The following STARD13 variants were observed in gnomAD, a reference collection of about 807,000 sequenced individuals.
The protein encoded by STARD13 is StAR related lipid transfer domain containing 13, also known as stAR-related lipid transfer protein 13.
Under a neutral mutation model 106.4 loss-of-function variants are expected in STARD13, and 62 were observed. The ratio of observed to expected loss-of-function variants is 0.58; its 90% confidence interval spans 0.48 to 0.72. The LOEUF (loss-of-function observed/expected upper bound fraction) is 0.72, where lower values mean the gene tolerates loss of function less well. Among genes scored for constraint, STARD13 ranks in the 30% least tolerant of loss-of-function variants. STARD13 has a pLI of 0.00. For synonymous variants in STARD13, 565 were observed against 553.0 expected, an observed-to-expected ratio of 1.02 and a Z score of -0.31; for missense variants, 1,387 against 1,424.0, an observed-to-expected ratio of 0.97 and a Z score of 0.42.
intron 1 of STARD13, among the ~76,000 whole-genome samples, chr13:33,343,588 A>AAAAAAAAC (rs1555264015): frequency 1.0e-5 from 1 of 97,284 alleles, no homozygotes; most frequent in Non-Finnish European, 2.1e-5. Flanking sequence ...AAAAAAAAAA[A>AAAAAAAAC]AAAAAAAAAC....
chr13:33,577,378 A>G, the STARD13 span, among the ~76,000 whole-genome samples: 1,098 of 152,280 alleles, frequency 7.2e-3, 19 homozygotes, highest in Non-Finnish European at 9.9e-3. Context: ...ACATTGTTGC[A>G]CTTAAAAGAT....
At chr13:33,610,422 T>G in the STARD13 span, among the ~76,000 whole-genome samples, 1 of 152,256 alleles carries the variant, frequency 6.6e-6, no homozygotes, top group Non-Finnish European at 1.5e-5. Context: ...TTATTTTGCA[T>G]TTTGAAAAAG....
chr13:33,218,618 C>T (rs1888174160), intron 1 of STARD13, among the ~76,000 whole-genome samples: 1 of 152,180 alleles, frequency 6.6e-6, no homozygotes, highest in Non-Finnish European at 1.5e-5. Flanking sequence ...CATTATGATG[C>T]CTATTTCACT....
chr13:33,610,192 G>A, the STARD13 span, among the ~76,000 whole-genome samples: 2 of 152,016 alleles, frequency 1.3e-5, no homozygotes, highest in East Asian at 1.9e-4. Context: ...ATAAAACTAT[G>A]CATGGAAAAA....
rs113522325 is a variant in STARD13 at position 33,232,396 on chromosome 13, T to C, written c.169+53074A>G. Among the ~76,000 whole-genome samples the C allele has an allele frequency of 3.7e-3, 571 of 152,362 alleles. 5 individuals are homozygous for C. Among genetic ancestry groups the C allele is most frequent in the African/African-American group, 0.013 (541 of 41,596 alleles). On this transcript the variant is annotated intron_variant, in intron 1 of 13. Transcript: ENST00000336934. ...TTTTATTGTTGTACGGTTATTCTTT[T>C]ATTTTTAATTTTTTTTCAAATATTT... is the stretch of plus-strand genomic sequence containing the variant.
At chr13:33,543,828 T>C in the STARD13 span, among the ~76,000 whole-genome samples, 1 of 152,168 alleles carries the variant, frequency 6.6e-6, no homozygotes, top group Non-Finnish European at 1.5e-5. Flanking sequence ...CTGGAATAAT[T>C]TAGAGTTCAG....
intron 1 of STARD13, among the ~76,000 whole-genome samples, chr13:33,325,983 T>TCAACAA (rs60874548): frequency 2.1e-5 from 2 of 96,210 alleles, no homozygotes; most frequent in African/African-American, 7.9e-5. Flanking sequence ...AGACTCCGTT[T>TCAACAA]AAAAAAAAAA....
chr13:33,380,135 C>T, the STARD13 span, among the ~76,000 whole-genome samples: 1 of 152,124 alleles, frequency 6.6e-6, no homozygotes, highest in Non-Finnish European at 1.5e-5. Context: ...CCTGTAATCC[C>T]AGCATTTTGG....
At chr13:33,567,078 G>C in the STARD13 span, among the ~76,000 whole-genome samples, 2 of 148,044 alleles carry the variant, frequency 1.4e-5, no homozygotes, top group Admixed American at 1.4e-4. Context: ...CCAAAGCTTT[G>C]TTGAAGCTTC....
chr13:33,513,718 G>C, the STARD13 span, among the ~76,000 whole-genome samples: 1 of 152,016 alleles, frequency 6.6e-6, no homozygotes, highest in African/African-American at 2.4e-5. Context: ...ATGAGTCTCT[G>C]TGTATGCTTT....
At chr13:33,648,347 A>G in the STARD13 span, among the ~76,000 whole-genome samples, 1 of 152,230 alleles carries the variant, frequency 6.6e-6, no homozygotes, top group Admixed American at 6.5e-5. Context: ...CTGCAGCCCA[A>G]GCTCTTACCT....
the STARD13 span, among the ~76,000 whole-genome samples, chr13:33,608,779 T>TA: frequency 6.6e-6 from 1 of 151,922 alleles, no homozygotes; most frequent in African/African-American, 2.4e-5. Context: ...TTCATAGAAC[T>TA]AAAAAAAGGA....
intron 1 of STARD13, among the ~76,000 whole-genome samples, chr13:33,174,233 T>A (rs1372314548): frequency 6.6e-6 from 1 of 152,150 alleles, no homozygotes; most frequent in East Asian, 1.9e-4. Flanking sequence ...ACGTTACACA[T>A]ATTTACTGTT....
At chr13:33,633,866 C>T in the STARD13 span, among the ~76,000 whole-genome samples, 1 of 152,154 alleles carries the variant, frequency 6.6e-6, no homozygotes, top group Non-Finnish European at 1.5e-5. Context: ...GTGGAGGGCT[C>T]ATTTTCCCTC....
the STARD13 span, among the ~76,000 whole-genome samples, chr13:33,591,750 C>T: frequency 9.2e-5 from 14 of 152,192 alleles, no homozygotes; most frequent in African/African-American, 3.1e-4. Context: ...AGTCATTGGT[C>T]TAGCGGTGAC....
chr13:33,111,747 A>G (rs1280161773), intron 10 of STARD13, 31 bp downstream of exon 10: 6 of 1,314,694 alleles, frequency 4.6e-6, no homozygotes, highest in Non-Finnish European at 6.6e-6. Context: ...AAGAGCTACT[A>G]GGGAGGCGGA....
the STARD13 span, chr13:33,524,324 C>T: frequency 1.6e-6 from 2 of 1,223,956 alleles, no homozygotes; most frequent in Admixed American, 5.3e-5. Context: ...CTACAAATTC[C>T]TTTCTTCTGA....
the STARD13 span, among the ~76,000 whole-genome samples, chr13:33,585,867 T>C: frequency 9.9e-5 from 15 of 152,214 alleles, no homozygotes; most frequent in African/African-American, 3.1e-4. Context: ...TTCACTCATA[T>C]GAATTACTTA....
the STARD13 span, among the ~76,000 whole-genome samples, chr13:33,651,570 G>A: frequency 6.6e-6 from 1 of 151,532 alleles, no homozygotes; most frequent in Non-Finnish European, 1.5e-5. Context: ...TGAGATGTTT[G>A]ATTAAGGAGA....
Sources: gnomAD v4.1 joint callset for allele counts (sites outside exome capture counted in the v4.1 genomes callset) on GRCh38, gnomAD v4.1.1 for gene constraint, MANE v1.5 for transcripts, NCBI Gene and HGNC (gene_info 2026-07-23, HGNC 2026-07-21) for gene names.